The following MYO16 variants were observed in gnomAD, a reference collection of about 807,000 sequenced individuals.
MYO16 encodes myosin XVI.
In MYO16, 94 loss-of-function variants were observed where a neutral mutation model predicts 205.3. The observed-to-expected ratio is 0.46, with a 90% CI of 0.39 to 0.54. The LOEUF (loss-of-function observed/expected upper bound fraction) is 0.54. MYO16 is among the 20% of genes least tolerant of loss of function. The pLI is 0.00. For synonymous variants in MYO16, 988 were observed against 954.0 expected (o/e 1.04, Z -0.66); for missense variants, 2,315 against 2,387.5 (o/e 0.97, Z 0.63).
At position 109,068,837 on chromosome 13, in the gene MYO16, C is replaced by T. The variant is rs1321301103; in HGVS notation, c.3335+13242C>T. Among the ~76,000 whole-genome samples the T allele has an allele frequency of 3.3e-5, 5 of 152,156 alleles. No homozygotes were observed. In the East Asian group the frequency reaches 9.6e-4, roughly 29 times the overall value. Reference sequence around the variant, plus strand: ...AACTCCTGACCTCAGGTGATCCGCCCACCTTGGCCTCCCAAAGTGCTGGAA... The same window carrying T: ...AACTCCTGACCTCAGGTGATCCGCCTACCTTGGCCTCCCAAAGTGCTGGAA... On this transcript the variant is annotated intron_variant, in intron 27 of 34. Coordinates refer to ENST00000457511, the MANE Select transcript of MYO16 (RefSeq NM_001198950.3).
chr13:109,087,379 C>T (rs1484040663), intron 27 of MYO16, among the ~76,000 whole-genome samples: 2 of 152,246 alleles, frequency 1.3e-5, no homozygotes, highest in African/African-American at 4.8e-5. Flanking sequence ...GGTGCAGTGG[C>T]TCACGCCTGT....
At position 109,164,932 on chromosome 13, in the gene MYO16, A is replaced by C; in HGVS notation, c.5196A>C (p.Arg1732=). The C allele has an allele frequency of 6.3e-7, 1 of 1,592,238 alleles. No homozygotes were observed. Among genetic ancestry groups the C allele is most frequent in the Non-Finnish European group, 8.5e-7 (1 of 1,172,480 alleles). ...GFETNMNISS[R]DDPSTSEITS... is the part of the protein sequence containing the mutation. Reference sequence around the variant, plus strand: ...AAACTAACATGAACATAAGTAGCCGAGATGACCCTAGTACGTCAGAAATTA... The same window carrying C: ...AAACTAACATGAACATAAGTAGCCGCGATGACCCTAGTACGTCAGAAATTA... Residue 1732 remains arginine (R), a synonymous_variant, in exon 33 of 35, where the codon CGA becomes CGC. Coordinates refer to ENST00000457511, the MANE Select transcript of MYO16 (RefSeq NM_001198950.3).
intron 1 of MYO16, among the ~76,000 whole-genome samples, chr13:108,612,557 A>T (rs1013009051): frequency 6.6e-6 from 1 of 152,176 alleles, no homozygotes; most frequent in Non-Finnish European, 1.5e-5. Context: ...TTAAAATGTC[A>T]AACAAGACAT....
intron 2 of MYO16, among the ~76,000 whole-genome samples, chr13:108,677,348 T>TGC (rs1366092443): frequency 9.9e-5 from 9 of 91,150 alleles, no homozygotes; most frequent in African/African-American, 3.7e-4. Context: ...TATATATATA[T>TGC]ATATATGCAT....
chr13:108,855,434 C>T lies in MYO16; in HGVS notation c.1249-9C>T. 1.3e-6 allele frequency: 2 copies of T among 1,534,940 alleles called. No homozygotes were observed. The highest frequency in any genetic ancestry group is 1.8e-6 in the Non-Finnish European group (2 of 1,122,738). ...ATTAGAATTGATCATACTTTCGGTT[C>T]TTCCCCAGGTCAAGCTAATGCCTCC... On this transcript the variant is annotated splice_polypyrimidine_tract_variant and intron_variant, in intron 10 of 34. Coordinates refer to ENST00000457511, the MANE Select transcript of MYO16 (RefSeq NM_001198950.3).
intron 4 of MYO16, among the ~76,000 whole-genome samples, chr13:108,734,415 GT>G (rs1328911413): frequency 2.0e-5 from 3 of 151,888 alleles, no homozygotes; most frequent in African/African-American, 7.3e-5. Flanking sequence ...AATTCCCTTG[GT>G]TTGCTTATAG....
the MYO16 span, among the ~76,000 whole-genome samples, chr13:108,536,901 A>C: frequency 1.3e-5 from 2 of 152,264 alleles, no homozygotes; most frequent in South Asian, 4.1e-4. Context: ...CCTTAAGTCC[A>C]TCATCACAAA....
At chr13:108,497,870 T>C in the MYO16 span, among the ~76,000 whole-genome samples, 1 of 152,144 alleles carries the variant, frequency 6.6e-6, no homozygotes, top group South Asian at 2.1e-4. Flanking sequence ...TGAATACAAG[T>C]TGGCTGCAGA....
rs187115475 is a variant in MYO16 at position 108,700,650 on chromosome 13, A to G, written c.293-12011A>G. On this transcript the variant is annotated intron_variant, in intron 2 of 34. Transcript: ENST00000457511. Reference sequence around the variant, plus strand: ...TTTGTTTTTATATAAAGTGACTCAGAAAAAGCTCACTACAAACCTTTTCCC... The same window carrying G: ...TTTGTTTTTATATAAAGTGACTCAGGAAAAGCTCACTACAAACCTTTTCCC... Among the ~76,000 whole-genome samples the G allele has an allele frequency of 6.6e-5, 10 of 152,328 alleles. No individual in the cohort carries two copies. In the East Asian group the frequency reaches 1.9e-3, roughly 29 times the overall value.
At chr13:108,712,429 T>A (rs1481395433) in intron 2 of MYO16, among the ~76,000 whole-genome samples, 1 of 152,264 alleles carries the variant, frequency 6.6e-6, no homozygotes, top group African/African-American at 2.4e-5. Flanking sequence ...CACTTTCTCA[T>A]TCATTTGCAT....
intron 34 of MYO16, among the ~76,000 whole-genome samples, chr13:109,200,984 A>G (rs1230750852): frequency 7.2e-5 from 11 of 152,144 alleles, no homozygotes; most frequent in African/African-American, 2.7e-4. Flanking sequence ...TAAATACAGC[A>G]TATGCCATAA....
the MYO16 span, among the ~76,000 whole-genome samples, chr13:108,546,228 C>T: frequency 6.6e-6 from 1 of 152,160 alleles, no homozygotes. Flanking sequence ...CCAGAGACGT[C>T]AATAGCTGCT....
At chr13:108,820,303 G>T in intron 7 of MYO16, 34 bp from the exon 8 acceptor site, 1 of 1,485,988 alleles carries the variant, frequency 6.7e-7, no homozygotes. Flanking sequence ...TTCTGCCATG[G>T]TGGTTCCCAT....
At chr13:109,102,325 A>T (rs191728883) in intron 28 of MYO16, among the ~76,000 whole-genome samples, 13 of 152,280 alleles carry the variant, frequency 8.5e-5, no homozygotes, top group African/African-American at 3.1e-4. Context: ...GTCTATAGGT[A>T]ACTGAAGTCA....
chr13:108,508,606 G>A, the MYO16 span, among the ~76,000 whole-genome samples: 1 of 152,094 alleles, frequency 6.6e-6, no homozygotes, highest in Non-Finnish European at 1.5e-5. Flanking sequence ...CCCTAACATT[G>A]GATGCATTTT....
intron 1 of MYO16, among the ~76,000 whole-genome samples, chr13:108,611,999 G>A (rs1225656632): frequency 1.6e-5 from 2 of 126,282 alleles, no homozygotes; most frequent in Non-Finnish European, 3.2e-5. Flanking sequence ...TTTTTGAGAC[G>A]GAGTCTCGCT....
At chr13:109,022,288 TATA>T (rs1159909117) in intron 23 of MYO16, among the ~76,000 whole-genome samples, 4 of 126,236 alleles carry the variant, frequency 3.2e-5, no homozygotes, top group South Asian at 2.3e-4. Context: ...TATATACAAA[TATA>T]ATATACAAAT....
chr13:109,006,056 C>T (rs967487494), intron 21 of MYO16, among the ~76,000 whole-genome samples: 35 of 152,302 alleles, frequency 2.3e-4, no homozygotes, highest in African/African-American at 8.2e-4. Context: ...TCATTGGAAG[C>T]TGTCCTTATA....
chr13:108,631,939 G>A (rs111243518), intron 1 of MYO16, among the ~76,000 whole-genome samples: 10,465 of 152,134 alleles, frequency 0.069, 505 homozygotes, highest in East Asian at 0.18. Flanking sequence ...TTTGCTGGGT[G>A]TGGTGGTGGG....
Sources: gnomAD v4.1 joint callset for allele counts (sites outside exome capture counted in the v4.1 genomes callset) on GRCh38, gnomAD v4.1.1 for gene constraint, MANE v1.5 for transcripts, NCBI Gene and HGNC (gene_info 2026-07-23, HGNC 2026-07-21) for gene names.